ZBTB16: variants seen among roughly 807,000 people sequenced by gnomAD.
ZBTB16 encodes zinc finger and BTB domain-containing protein 16.
Under a neutral mutation model 56.8 loss-of-function variants are expected in ZBTB16, and 8 were observed. The observed-to-expected ratio is 0.14, with a 90% CI of 0.08 to 0.25. ZBTB16 has a LOEUF of 0.25. Ranked by LOEUF, ZBTB16 falls within the 10% of genes least tolerant of loss-of-function variation. The pLI, the probability that ZBTB16 is intolerant of heterozygous loss-of-function variation, is 1.00. For missense variants in ZBTB16, 625 were observed against 903.0 expected, an observed-to-expected ratio of 0.69 and a Z score of 3.95; for synonymous variants, 363 against 368.5, an observed-to-expected ratio of 0.98 and a Z score of 0.17.
intron 4 of ZBTB16, among the ~76,000 whole-genome samples, chr11:114,190,405 A>G (rs1943464345): frequency 6.6e-6 from 1 of 152,214 alleles, no homozygotes; most frequent in South Asian, 2.1e-4. Flanking sequence ...TGCTCAGAAC[A>G]CTTACATTAG....
Position 114,172,495 on chromosome 11 carries a change from G to A in ZBTB16, c.1367-14457G>A, listed in dbSNP as rs758274124. Among the ~76,000 whole-genome samples the A allele has an allele frequency of 4.9e-4, 74 of 152,292 alleles. 1 individual carries two copies. The highest frequency in any genetic ancestry group is 7.6e-4 in the Non-Finnish European group (52 of 68,016). On this transcript the variant is annotated intron_variant, in intron 3 of 6. Transcript: ENST00000335953. The stretch of plus-strand genomic sequence containing the variant: ...GAGTTTACTTGCCCAAGATCACCTA[G>A]CAAGTAAGAGACAGAGCTGCGCTGT...
chr11:114,159,954 T>G (rs1249658413), intron 3 of ZBTB16, among the ~76,000 whole-genome samples: 2 of 130,056 alleles, frequency 1.5e-5, no homozygotes, highest in South Asian at 2.2e-4. Context: ...GAGGCGAGCA[T>G]TTTTTTTCAA....
At chr11:114,072,160 C>G (rs1051691520) in intron 2 of ZBTB16, among the ~76,000 whole-genome samples, 2 of 152,246 alleles carry the variant, frequency 1.3e-5, no homozygotes, top group Non-Finnish European at 2.9e-5. Context: ...CCTGCTTTCT[C>G]CCTGAGACCG....
rs890987601 is a variant in ZBTB16, at chr11:114,064,668, G to A, written c.1268+100G>A. ...CCCAAGTTAGGGGCCTGGCTCCCCT[G>A]TCTTGGCAATTTGTGAAAAAACCAG... On this transcript the variant is annotated intron_variant, in intron 2 of 6. Transcript: ENST00000335953. The surrounding 1 kb of genome is among the most constrained non-coding windows in gnomAD (Gnocchi z 4.2). 2.7e-6 allele frequency: 4 copies of A among 1,462,544 alleles called. No individual in the cohort carries two copies. In the African/African-American group the frequency reaches 5.6e-5, roughly 20 times the overall value. The allele number at this position is 1,462,544 out of a possible 1,614,324, so 90.6% of individuals were successfully genotyped here.
chr11:114,222,656 G>A (rs1291880749), intron 4 of ZBTB16, among the ~76,000 whole-genome samples: 1 of 152,146 alleles, frequency 6.6e-6, no homozygotes. Context: ...TCTGACAAAA[G>A]CCTGTTCACC....
chr11:114,063,106 G>C lies in ZBTB16; in HGVS notation c.-90-105G>C. ...CTTGCTAAGGGCTTGGCAACAGGGAGGAGGGGGCATGTTGTAGTGGTTGAA... is the reference window on the plus strand; with the variant it reads ...CTTGCTAAGGGCTTGGCAACAGGGACGAGGGGGCATGTTGTAGTGGTTGAA... On this transcript the variant is annotated intron_variant, in intron 1 of 6. Coordinates refer to ENST00000335953, the MANE Select transcript of ZBTB16 (RefSeq NM_006006.6). This position sits in a 1 kb window ranked among gnomAD's most constrained non-coding sequence, Gnocchi z 6.5. 2 of 626,886 alleles carry C rather than the reference G, an allele frequency of 3.2e-6. No homozygotes were observed. The highest frequency in any genetic ancestry group is 5.6e-6 in the Non-Finnish European group (2 of 357,180). The allele number at this position is 626,886 out of a possible 1,614,324, so 38.8% of individuals were successfully genotyped here. A position where few individuals can be genotyped will look rare whatever the true frequency, so the allele number is the denominator to read the frequency against.
chr11:114,242,249 C>T lies in ZBTB16; in HGVS notation c.1536C>T (p.His512=), dbSNP rs757726254. Residue 512 remains histidine, a synonymous_variant, in exon 5 of 7, where the codon CAC becomes CAT. Transcript: ENST00000335953. ...CACTGCAGCAGCACATGGAGGTCCA[C>T]GCGGGCGTGCGCAGCTACATCTGCA... ...QSALQQHMEV[H]AGVRSYICSE... is the part of the protein sequence containing the mutation. The T allele has an allele frequency of 9.9e-6, 16 of 1,613,904 alleles. No homozygotes were observed. Among genetic ancestry groups the T allele is most frequent in the Middle Eastern group, 1.6e-4 (1 of 6,084 alleles).
chr11:114,207,462 AC>A (rs1382346114), intron 4 of ZBTB16, among the ~76,000 whole-genome samples: 1 of 151,576 alleles, frequency 6.6e-6, no homozygotes, highest in Non-Finnish European at 1.5e-5. Context: ...ATCTTTTGTC[AC>A]CCCCTATGAT....
intron 2 of ZBTB16, among the ~76,000 whole-genome samples, chr11:114,068,367 T>C (rs1022033659): frequency 6.6e-6 from 1 of 152,116 alleles, no homozygotes; most frequent in African/African-American, 2.4e-5. Flanking sequence ...CAAGCTGGTG[T>C]GGAGTGAAGG....
At chr11:114,157,065 G>A (rs556786673) in intron 3 of ZBTB16, among the ~76,000 whole-genome samples, 2 of 152,270 alleles carry the variant, frequency 1.3e-5, no homozygotes, top group African/African-American at 2.4e-5. Flanking sequence ...AGTTGTGGAG[G>A]CCTCAACTCT....
Position 114,143,914 on chromosome 11 carries a change from C to T in ZBTB16, c.1269-12423C>T, listed in dbSNP as rs1362461050. 1.3e-5 allele frequency among the ~76,000 whole-genome samples: 2 copies of T among 152,114 alleles called. No homozygotes were observed. The highest frequency in any genetic ancestry group is 2.4e-5 in the African/African-American group (1 of 41,408). On this transcript the variant is annotated intron_variant, in intron 2 of 6. Coordinates refer to ENST00000335953, the MANE Select transcript of ZBTB16 (RefSeq NM_006006.6). The surrounding 1 kb of genome is among the most constrained non-coding windows in gnomAD (Gnocchi z 6.4). ...AGAGCCGCTGCTTGGCCTCTGTGCTCGTTGGGCCTCGAGTCACTGGTATTA... is the reference window on the plus strand; with the variant it reads ...AGAGCCGCTGCTTGGCCTCTGTGCTTGTTGGGCCTCGAGTCACTGGTATTA...
chr11:114,172,824 T>C (rs1943005226), intron 3 of ZBTB16, among the ~76,000 whole-genome samples: 1 of 152,244 alleles, frequency 6.6e-6, no homozygotes, highest in Non-Finnish European at 1.5e-5. Context: ...CCTGGACCTC[T>C]GGCATGGGAG....
chr11:114,243,025 C>G lies in ZBTB16; in HGVS notation c.1624+688C>G, dbSNP rs538308525. 2.6e-5 allele frequency among the ~76,000 whole-genome samples: 4 copies of G among 152,310 alleles called. No homozygotes were observed. In the East Asian group the frequency reaches 7.7e-4, roughly 29 times the overall value. On this transcript the variant is annotated intron_variant, in intron 5 of 6. Transcript: ENST00000335953. ...GCTGGCCATTCCCTGCCACCAGCCT[C>G]TAGGGCTTGAGGGATGGGGACACTT...
chr11:114,197,637 G>T (rs560033198), intron 4 of ZBTB16, among the ~76,000 whole-genome samples: 2 of 137,146 alleles, frequency 1.5e-5, no homozygotes, highest in South Asian at 5.3e-4. Flanking sequence ...TGAAGTCCTT[G>T]TTTGGAGAAT....
At chr11:114,241,708 G>A (rs1423515166) in intron 4 of ZBTB16, among the ~76,000 whole-genome samples, 1 of 152,134 alleles carries the variant, frequency 6.6e-6, no homozygotes, top group Non-Finnish European at 1.5e-5. Flanking sequence ...GGATAACAGA[G>A]GCTAGCTTTT....
intron 2 of ZBTB16, among the ~76,000 whole-genome samples, chr11:114,106,270 G>C (rs182226422): frequency 6.6e-6 from 1 of 152,052 alleles, no homozygotes; most frequent in Non-Finnish European, 1.5e-5. Flanking sequence ...CTTCCCCCTT[G>C]GCCGGTTTCA....
intron 3 of ZBTB16, among the ~76,000 whole-genome samples, chr11:114,182,030 CT>C (rs1943261435): frequency 6.6e-6 from 1 of 152,150 alleles, no homozygotes; most frequent in African/African-American, 2.4e-5. Flanking sequence ...CTCTGTTTAT[CT>C]TTACTCAATG....
intron 2 of ZBTB16, among the ~76,000 whole-genome samples, chr11:114,094,112 G>A (rs1316308925): frequency 2.0e-5 from 3 of 152,088 alleles, no homozygotes; most frequent in Non-Finnish European, 2.9e-5. Flanking sequence ...TCAGGAGATC[G>A]AGACCATCCT....
chr11:114,086,015 G>T (rs762095981), intron 2 of ZBTB16, among the ~76,000 whole-genome samples: 1 of 152,094 alleles, frequency 6.6e-6, no homozygotes, highest in Non-Finnish European at 1.5e-5. Flanking sequence ...AGTGATGGGG[G>T]TGGTGGTGGT....
Sources: gnomAD v4.1 joint callset for allele counts (sites outside exome capture counted in the v4.1 genomes callset) on GRCh38, gnomAD v4.1.1 for gene constraint, Gnocchi (gnomAD v3.1) non-coding constraint, MANE v1.5 for transcripts, NCBI Gene and HGNC (gene_info 2026-07-23, HGNC 2026-07-21) for gene names.